The following PDE2A variants were observed in gnomAD, a reference collection of about 807,000 sequenced individuals.
PDE2A encodes phosphodiesterase 2A, also known as cGMP-dependent 3',5'-cyclic phosphodiesterase.
In PDE2A, 53 loss-of-function variants were observed where a neutral mutation model predicts 133.6. The observed-to-expected ratio is 0.40, with a 90% CI of 0.32 to 0.50. The LOEUF (loss-of-function observed/expected upper bound fraction) is 0.50, where lower values mean the gene tolerates loss of function less well. PDE2A is among the 20% of genes least tolerant of loss of function. PDE2A has a pLI of 0.73. For missense variants in PDE2A, 796 were observed against 1,232.4 expected (o/e 0.65, Z 5.30); for synonymous variants, 491 against 490.2 (o/e 1.00, Z -0.02).
At chr11:72,586,932 A>G (rs1429929199) in intron 13 of PDE2A, among the ~76,000 whole-genome samples, 1 of 151,912 alleles carries the variant, frequency 6.6e-6, no homozygotes, top group Non-Finnish European at 1.5e-5. Context: ...TCCCATCCCC[A>G]CCATCCTGGG....
chr11:72,673,204 A>T (rs1315533912), intron 1 of PDE2A, among the ~76,000 whole-genome samples: 2 of 152,244 alleles, frequency 1.3e-5, no homozygotes, highest in East Asian at 3.9e-4. Context: ...CATAATATAC[A>T]AACTCAACCT....
chr11:72,591,928 C>T (rs950192117), intron 6 of PDE2A, among the ~76,000 whole-genome samples: 1 of 152,204 alleles, frequency 6.6e-6, no homozygotes, highest in Non-Finnish European at 1.5e-5. Flanking sequence ...AAGCCATGGC[C>T]AGAAAAGTGG....
At position 72,608,747 on chromosome 11, in the gene PDE2A, G is replaced by C. The variant is rs143962344; in HGVS notation, c.149C>G (p.Ala50Gly). Residue 50 changes from alanine to glycine, a missense_variant, in exon 3 of 31, where the codon GCC (alanine) becomes GGC (glycine). By Grantham distance (60) the Ala-to-Gly change is moderately conservative (BLOSUM62 0). Transcript: ENST00000334456. ...GATGACAGAGCCCAGACTCAGCAAGGCGTCCTGGAAGAGAGGAGAGGGCAG... is the reference window on the plus strand; with the variant it reads ...GATGACAGAGCCCAGACTCAGCAAGCCGTCCTGGAAGAGAGGAGAGGGCAG... ...PQPCADSLQD[A>G]LLSLGSVIDI... 6.4e-7 allele frequency: 1 copy of C among 1,551,234 alleles called. No homozygotes were observed. The highest frequency in any genetic ancestry group is 1.3e-5 in the African/African-American group (1 of 74,142).
intron 1 of PDE2A, among the ~76,000 whole-genome samples, chr11:72,667,893 G>A (rs1398640570): frequency 1.3e-5 from 2 of 151,788 alleles, no homozygotes; most frequent in Admixed American, 1.3e-4. Context: ...AAGGGTGAGG[G>A]AAGAAGATGA....
At chr11:72,636,847 T>C (rs1330006619) in intron 2 of PDE2A, among the ~76,000 whole-genome samples, 1 of 152,178 alleles carries the variant, frequency 6.6e-6, no homozygotes, top group African/African-American at 2.4e-5. Flanking sequence ...AACATGCAGA[T>C]CTGATCTGTC....
chr11:72,636,318 T>C (rs768476265), intron 2 of PDE2A, among the ~76,000 whole-genome samples: 5 of 152,250 alleles, frequency 3.3e-5, no homozygotes, highest in Non-Finnish European at 7.3e-5. Flanking sequence ...TTTTCATAAA[T>C]TTACATTTTT....
rs763882344 is a variant in PDE2A at position 72,598,585 on chromosome 11, T to C, written c.324-966A>G. ...CATCCCTCATGCTGCCTCCACTTAA[T>C]TGTGCTTGTAGGAACTGCCTGGCCT... On this transcript the variant is annotated intron_variant, in intron 4 of 30. Transcript: ENST00000334456. 5 of 1,289,114 alleles carry C rather than the reference T, an allele frequency of 3.9e-6. No individual in the cohort carries two copies. The South Asian group carries it at 6.2e-5, about 16-fold the overall frequency. 79.9% of individuals were successfully genotyped at this position (1,289,114 alleles called of 1,614,324 possible). A position where few individuals can be genotyped will look rare whatever the true frequency, so the allele number is the denominator to read the frequency against.
At chr11:72,638,346 A>G (rs341050) in intron 2 of PDE2A, among the ~76,000 whole-genome samples, 97,238 of 152,026 alleles carry the variant, frequency 0.64, 31,471 homozygotes, top group Middle Eastern at 0.78. Context: ...TGGCAGTTCC[A>G]GTCACTTGAT....
At chr11:72,619,938 T>G (rs1857670445) in intron 2 of PDE2A, among the ~76,000 whole-genome samples, 1 of 152,100 alleles carries the variant, frequency 6.6e-6, no homozygotes, top group Non-Finnish European at 1.5e-5. Context: ...AAACCTTGCC[T>G]AAGCTGACTC....
At chr11:72,585,693 C>T (rs1024346627) in intron 14 of PDE2A, 100 bp from the exon 15 acceptor site, 25 of 1,016,390 alleles carry the variant, frequency 2.5e-5, no homozygotes, top group Non-Finnish European at 3.5e-5. Context: ...TCCTTCCTTC[C>T]CTAGGGCTCA....
chr11:72,647,366 C>A (rs1366715830), intron 1 of PDE2A, among the ~76,000 whole-genome samples: 1 of 152,230 alleles, frequency 6.6e-6, no homozygotes, highest in Non-Finnish European at 1.5e-5. Flanking sequence ...GACTTCTCAG[C>A]AGCCGTGAAG....
chr11:72,579,394 G>C lies in PDE2A; in HGVS notation c.2257-11C>G. ...CATGCGCTGATAGTCCTGAGGCGAG[G>C]GCAGGGGTGTCATGCCCTCCTACTG... On this transcript the variant is annotated splice_polypyrimidine_tract_variant and intron_variant, in intron 26 of 30. Transcript: ENST00000334456. 6.2e-7 allele frequency: 1 copy of C among 1,610,042 alleles called. No homozygotes were observed. The highest frequency in any genetic ancestry group is 8.5e-7 in the Non-Finnish European group (1 of 1,176,836).
chr11:72,642,401 C>G (rs746847158), intron 1 of PDE2A, 75 bp from the exon 2 acceptor site: 2 of 1,285,422 alleles, frequency 1.6e-6, no homozygotes, highest in Non-Finnish European at 2.0e-6. Context: ...GCCCGCCCGC[C>G]GGCCCGGCCG....
chr11:72,603,028 C>T (rs2135344957), intron 4 of PDE2A, among the ~76,000 whole-genome samples: 1 of 152,324 alleles, frequency 6.6e-6, no homozygotes, highest in Admixed American at 6.5e-5. Flanking sequence ...TCCCCCAATC[C>T]TTTTTCAGGT....
chr11:72,596,591 A>G lies in PDE2A; in HGVS notation c.489+2T>C. On this transcript the variant is annotated splice_donor_variant, in intron 6 of 30. Coordinates refer to ENST00000334456, the MANE Select transcript of PDE2A (RefSeq NM_002599.5). LOFTEE classifies it high-confidence loss of function. ...CATCCCACCGCCTAGGCAGGCTCTT[A>G]CCAAGATGACAGCTGCCACGGCCCC... 1 of 1,485,812 alleles carries G rather than the reference A, an allele frequency of 6.7e-7. No individual in the cohort carries two copies. Among genetic ancestry groups the G allele is most frequent in the Non-Finnish European group, 9.0e-7 (1 of 1,108,920 alleles). 92.0% of individuals were successfully genotyped at this position (1,485,812 alleles called of 1,614,324 possible). A position where few individuals can be genotyped will look rare whatever the true frequency, so the allele number is the denominator to read the frequency against.
At chr11:72,667,402 C>A (rs1855267116) in intron 1 of PDE2A, among the ~76,000 whole-genome samples, 1 of 152,210 alleles carries the variant, frequency 6.6e-6, no homozygotes. Context: ...TTTCCTCTGG[C>A]TTAACTCAGT....
At chr11:72,579,662 A>C in intron 25 of PDE2A, 54 bp from the exon 26 acceptor site, 1 of 1,265,968 alleles carries the variant, frequency 7.9e-7, no homozygotes. Context: ...CTCCCTTACC[A>C]TTGACCCCAA....
chr11:72,590,601 A>AGC lies in PDE2A; in HGVS notation c.550-23_550-22dup. The AGC allele has an allele frequency of 1.8e-5, 25 of 1,352,034 alleles. No homozygotes were observed. Among genetic ancestry groups the AGC allele is most frequent in the Non-Finnish European group, 2.4e-5 (25 of 1,057,738 alleles). The allele number at this position is 1,352,034 out of a possible 1,614,324, so 83.8% of individuals were successfully genotyped here. On this transcript the variant is annotated intron_variant, in intron 7 of 30. Coordinates refer to ENST00000334456, the MANE Select transcript of PDE2A (RefSeq NM_002599.5). This position sits in a 1 kb window ranked among gnomAD's most constrained non-coding sequence, Gnocchi z 4.8. Reference sequence around the variant, plus strand: ...AGGGTCTGGGGCAGGCCGAGCGGTTAGCGCGCCGCTCGCCCCAAGCTCGCT... The same window carrying AGC: ...AGGGTCTGGGGCAGGCCGAGCGGTTAGCGCGCGCCGCTCGCCCCAAGCTCGCT...
intron 2 of PDE2A, 40 bp downstream of exon 2, chr11:72,642,214 C>T: frequency 1.4e-6 from 2 of 1,417,946 alleles, no homozygotes; most frequent in Non-Finnish European, 1.8e-6. Flanking sequence ...GCTCGCCGGA[C>T]ACCCCGTTCT....
Sources: allele counts gnomAD v4.1 joint callset (sites outside exome capture counted in the v4.1 genomes callset), GRCh38; gene constraint gnomAD v4.1.1; non-coding constraint Gnocchi (gnomAD v3.1); transcripts MANE v1.5; gene names NCBI Gene and HGNC (gene_info 2026-07-23, HGNC 2026-07-21).